Variants in NCKAP1L observed in about 807,000 individuals in gnomAD.
The protein encoded by NCKAP1L is NCK associated protein 1 like, also known as nck-associated protein 1-like.
In NCKAP1L, 53 loss-of-function variants were observed where a neutral mutation model predicts 139.2. That is an observed-to-expected ratio of 0.38 (90% CI 0.31 to 0.48). The LOEUF (loss-of-function observed/expected upper bound fraction) is 0.48, where lower values mean the gene tolerates loss of function less well. Among genes scored for constraint, NCKAP1L ranks in the 20% least tolerant of loss-of-function variants. The pLI is 0.98. For missense variants in NCKAP1L, 1,151 were observed against 1,381.9 expected, an observed-to-expected ratio of 0.83 and a Z score of 2.65; for synonymous variants, 468 against 499.7, an observed-to-expected ratio of 0.94 and a Z score of 0.85.
intron 19 of NCKAP1L, 72 bp downstream of exon 19, chr12:54,523,611 G>C: frequency 6.5e-7 from 1 of 1,529,600 alleles, no homozygotes; most frequent in Non-Finnish European, 8.8e-7. Flanking sequence ...GAGGGAAGGT[G>C]ACACAGAAAG....
chr12:54,529,543 A>G lies in NCKAP1L; in HGVS notation c.2506+1166A>G, dbSNP rs113423259. On this transcript the variant is annotated intron_variant, in intron 22 of 30. Transcript: ENST00000293373. ...TCTTTGGGGGGTGCTAAGAAAGCCA[A>G]AGTACACAGTTCTGTTTTCCAGTTC... 4.9e-3 allele frequency among the ~76,000 whole-genome samples: 748 copies of G among 152,182 alleles called. 8 individuals are homozygous for G. Among genetic ancestry groups the G allele is most frequent in the African/African-American group, 0.017 (721 of 41,500 alleles).
At position 54,523,720 on chromosome 12, in the gene NCKAP1L, T is replaced by G. The variant is rs149980124; in HGVS notation, c.2025-105T>G. The G allele has an allele frequency of 1.0e-4, 152 of 1,496,636 alleles. 1 individual carries two copies. The African/African-American group carries it at 1.9e-3, about 19-fold the overall frequency. The allele number at this position is 1,496,636 out of a possible 1,614,324, so 92.7% of individuals were successfully genotyped here. On this transcript the variant is annotated intron_variant, in intron 19 of 30. Transcript: ENST00000293373. ...TGAAGTCTACATCAATGTGTACTCT[T>G]CTAGGCTGAGTATCCCTAGAAACTG...
intron 26 of NCKAP1L, among the ~76,000 whole-genome samples, chr12:54,532,545 G>A (rs17113238): frequency 0.28 from 43,192 of 151,942 alleles, 7,507 homozygotes; most frequent in African/African-American, 0.48. Context: ...CCTGATATGA[G>A]CACTGTGCAA....
chr12:54,499,312 G>C (rs751556153), intron 1 of NCKAP1L, 43 bp from the exon 2 acceptor site: 2 of 1,068,328 alleles, frequency 1.9e-6, no homozygotes, highest in Admixed American at 3.5e-5. Context: ...TGTTTCTGAG[G>C]AGGAGGAGAA....
At chr12:54,518,509 T>G in intron 13 of NCKAP1L, 142 bp from the exon 14 acceptor site, 1 of 743,120 alleles carries the variant, frequency 1.3e-6, no homozygotes, top group Non-Finnish European at 2.4e-6. Flanking sequence ...AAAGTTTCCT[T>G]CATCTCTTGC....
Position 54,517,655 on chromosome 12 carries a change from C to A in NCKAP1L, c.1205+13C>A. 6.2e-7 allele frequency: 1 copy of A among 1,601,978 alleles called. No homozygotes were observed. The highest frequency in any genetic ancestry group is 1.7e-5 in the Admixed American group (1 of 60,000). On this transcript the variant is annotated intron_variant, in intron 12 of 30. Coordinates refer to ENST00000293373, the MANE Select transcript of NCKAP1L (RefSeq NM_005337.5). ...ACTATGCTGACTCGTTAGTACTTGACATGGCTAAGAACCTTGTCCTTAGAT... is the reference window on the plus strand; with the variant it reads ...ACTATGCTGACTCGTTAGTACTTGAAATGGCTAAGAACCTTGTCCTTAGAT...
intron 22 of NCKAP1L, among the ~76,000 whole-genome samples, chr12:54,530,568 T>C (rs1957059883): frequency 6.6e-6 from 1 of 152,194 alleles, no homozygotes; most frequent in South Asian, 2.1e-4. Context: ...GGGAAAAACA[T>C]ACAATAAACA....
rs1957191982 is a variant in NCKAP1L, at chr12:54,545,718, T to C, written c.*3033T>C. 6.6e-6 allele frequency: 1 copy of C among 152,260 alleles called. No individual in the cohort carries two copies. Among genetic ancestry groups the C allele is most frequent in the Admixed American group, 6.5e-5 (1 of 15,286 alleles). 9.4% of individuals were successfully genotyped at this position (152,260 alleles called of 1,614,324 possible). A position where few individuals can be genotyped will look rare whatever the true frequency, so the allele number is the denominator to read the frequency against. On this transcript the variant is annotated 3_prime_UTR_variant, in exon 31 of 31. Coordinates refer to ENST00000293373, the MANE Select transcript of NCKAP1L (RefSeq NM_005337.5). ...CAGAAATCTCACCCCAATTGTTTTG[T>C]CTTACAGGCACAGAATAGGTTCTAG...
intron 3 of NCKAP1L, among the ~76,000 whole-genome samples, chr12:54,506,796 A>AAAAAAATATATATATATATATATAT: frequency 7.9e-5 from 4 of 50,602 alleles, no homozygotes; most frequent in African/African-American, 2.2e-4. Context: ...AAAAAAAAAA[A>AAAAAAATATATATATATATATATAT]ATATATATAT....
At chr12:54,540,956 G>T (rs1458637506) in intron 30 of NCKAP1L, among the ~76,000 whole-genome samples, 3 of 152,228 alleles carry the variant, frequency 2.0e-5, no homozygotes, top group Non-Finnish European at 4.4e-5. Context: ...AATTGGAAAT[G>T]ACCGAAGGTG....
rs988945657 is a variant in NCKAP1L, at chr12:54,500,613, C to T, written c.294C>T (p.Val98=). 3 of 1,610,500 alleles carry T rather than the reference C, an allele frequency of 1.9e-6. No homozygotes were observed. Among genetic ancestry groups the T allele is most frequent in the Admixed American group, 1.7e-5 (1 of 60,014 alleles). ...LTNYYQSFVD[V]MEFRDHVYEL... ...ACTACTACCAGTCATTTGTGGATGT[C>T]ATGGAATTTCGGGTGAGCTCTCTTG... Residue 98 remains valine (V), a synonymous_variant, in exon 3 of 31, where the codon GTC becomes GTT. Coordinates refer to ENST00000293373, the MANE Select transcript of NCKAP1L (RefSeq NM_005337.5).
At chr12:54,534,998 A>T (rs1054376768) in intron 26 of NCKAP1L, 106 bp from the exon 27 acceptor site, 14 of 647,162 alleles carry the variant, frequency 2.2e-5, no homozygotes, top group Middle Eastern at 4.6e-4. Context: ...AAGCATCTTT[A>T]AAAAAAAAAT....
chr12:54,523,630 G>T (rs982279903), intron 19 of NCKAP1L, 91 bp downstream of exon 19: 1 of 1,505,788 alleles, frequency 6.6e-7, no homozygotes, highest in Admixed American at 2.2e-5. Context: ...AGAAAAGAGC[G>T]CAAGTCATGG....
At chr12:54,539,809 G>C (rs972754952) in intron 30 of NCKAP1L, among the ~76,000 whole-genome samples, 8 of 152,124 alleles carry the variant, frequency 5.3e-5, no homozygotes, top group Non-Finnish European at 8.8e-5. Flanking sequence ...GAGATATCTG[G>C]GGCCCCAGAA....
In NCKAP1L at chr12:54,508,548, G is replaced by T. The variant is rs1441199767; in HGVS notation, c.506+17G>T. On this transcript the variant is annotated intron_variant, in intron 5 of 30. Transcript: ENST00000293373. ...TGGGCATGGGTGAGTTAAGGCGAGA[G>T]TATTATATGAAGAGTCTCATACATG... 1 of 1,613,050 alleles carries T rather than the reference G, an allele frequency of 6.2e-7. No homozygotes were observed. The highest frequency in any genetic ancestry group is 8.5e-7 in the Non-Finnish European group (1 of 1,179,282).
Position 54,531,571 on chromosome 12 carries a change from G to T in NCKAP1L, c.2685G>T (p.Leu895=). The change falls in exon 24 of 31, where the codon CTG becomes CTT. Residue 895 remains leucine, a synonymous_variant. Coordinates refer to ENST00000293373, the MANE Select transcript of NCKAP1L (RefSeq NM_005337.5). The stretch of plus-strand genomic sequence containing the variant: ...AGCCGGACTTGATGGCTTCCCTGCT[G>T]CCCCAGCTGACAGGTAAGCATCCTC... The part of the protein sequence containing the change: ...FSKPDLMASL[L]PQLTGAENVL... 6.2e-7 allele frequency: 1 copy of T among 1,614,150 alleles called. No homozygotes were observed. Among genetic ancestry groups the T allele is most frequent in the Non-Finnish European group, 8.5e-7 (1 of 1,180,020 alleles).
At chr12:54,510,111 C>T in intron 7 of NCKAP1L, 126 bp downstream of exon 7, 1 of 1,291,482 alleles carries the variant, frequency 7.7e-7, no homozygotes. Flanking sequence ...TAGGGTATGT[C>T]TCTAAGTTGA....
Position 54,519,300 on chromosome 12 carries a change from G to A in NCKAP1L, c.1593G>A (p.Leu531=). Residue 531 remains leucine (L), a synonymous_variant, in exon 16 of 31, where the codon TTG becomes TTA. Transcript: ENST00000293373. The stretch of plus-strand genomic sequence containing the variant: ...GAATGCTGGACTCCGTAGAAAAATT[G>A]CTGGTGGAAACTTCTGATCTGTCTA... ...HSRMLDSVEK[L]LVETSDLSTF... The A allele has an allele frequency of 6.3e-7, 1 of 1,584,414 alleles. No homozygotes were observed. The highest frequency in any genetic ancestry group is 8.5e-7 in the Non-Finnish European group (1 of 1,172,370).
Position 54,547,501 on chromosome 12 carries a change from T to C in NCKAP1L, c.*4816T>C, listed in dbSNP as rs1427551872. On this transcript the variant is annotated 3_prime_UTR_variant, in exon 31 of 31. Transcript: ENST00000293373. ...TTTCACGAATAACTTTGTGTGTGTGTGCGTGTGTGTGTGTGTGTGTGTGTG... is the reference window on the plus strand; with the variant it reads ...TTTCACGAATAACTTTGTGTGTGTGCGCGTGTGTGTGTGTGTGTGTGTGTG... 2 of 113,228 alleles carry C rather than the reference T, an allele frequency of 1.8e-5. No individual in the cohort carries two copies. Among genetic ancestry groups the C allele is most frequent in the East Asian group, 2.9e-4 (1 of 3,496 alleles). 7.0% of individuals were successfully genotyped at this position (113,228 alleles called of 1,614,324 possible).
Sources: allele counts gnomAD v4.1 joint callset (sites outside exome capture counted in the v4.1 genomes callset), GRCh38; gene constraint gnomAD v4.1.1; transcripts MANE v1.5; gene names NCBI Gene and HGNC (gene_info 2026-07-23, HGNC 2026-07-21).